Variants in UGT1A10 observed in about 807,000 individuals in gnomAD.
UGT1A10 encodes UDP glucuronosyltransferase family 1 member A10.
UGT1A10 carries 49 observed loss-of-function variants against 45.8 expected under a neutral mutation model. The ratio of observed to expected loss-of-function variants is 1.07; its 90% CI spans 0.85 to 1.36. The LOEUF is 1.36. UGT1A10 is among the 40% of genes most tolerant of loss of function. UGT1A10 has a pLI of 0.00. For synonymous variants in UGT1A10, 284 were observed against 249.7 expected, an observed-to-expected ratio of 1.14 and a Z score of -1.29; for missense variants, 745 against 668.6, an observed-to-expected ratio of 1.11 and a Z score of -1.26.
chr2:233,721,906 A>G (rs994798913), intron 1 of UGT1A10: 14 of 450,550 alleles, frequency 3.1e-5, no homozygotes, highest in African/African-American at 2.6e-4. Context: ...GAAATGGTGC[A>G]CACTGCTTCC....
intron 1 of UGT1A10, among the ~76,000 whole-genome samples, chr2:233,720,226 G>C (rs989732732): frequency 6.6e-6 from 1 of 152,194 alleles, no homozygotes; most frequent in Non-Finnish European, 1.5e-5. Flanking sequence ...CATGTGATCA[G>C]AGAATGAAAC....
At chr2:233,655,784 T>A (rs1275053802) in intron 1 of UGT1A10, among the ~76,000 whole-genome samples, 1 of 152,148 alleles carries the variant, frequency 6.6e-6, no homozygotes, top group East Asian at 1.9e-4. Context: ...CAATGCTAAG[T>A]GGGGTTGGCT....
chr2:233,648,082 C>G, intron 1 of UGT1A10: 11 of 1,519,816 alleles, frequency 7.2e-6, no homozygotes, highest in Non-Finnish European at 9.7e-6. Context: ...CTTATACACC[C>G]TGGAGGATCT....
At chr2:233,694,590 T>G (rs2075228604) in intron 1 of UGT1A10, among the ~76,000 whole-genome samples, 1 of 152,230 alleles carries the variant, frequency 6.6e-6, no homozygotes, top group Non-Finnish European at 1.5e-5. Flanking sequence ...ATTTACAACT[T>G]TGAAGGGCTT....
intron 1 of UGT1A10, chr2:233,719,611 A>G: frequency 6.2e-7 from 1 of 1,613,980 alleles, no homozygotes; most frequent in Non-Finnish European, 8.5e-7. Flanking sequence ...TTTGTGATGG[A>G]CTACCCCAGG....
At chr2:233,752,348 A>G (rs1694949264) in intron 1 of UGT1A10, 1 of 152,154 alleles carries the variant, frequency 6.6e-6, no homozygotes, top group South Asian at 2.1e-4. Context: ...CATGGAGGAA[A>G]TTCATTTTAG....
At position 233,760,866 on chromosome 2, in the gene UGT1A10, G is replaced by A. The variant is rs1437871677; in HGVS notation, c.856-6168G>A. On this transcript the variant is annotated intron_variant, in intron 1 of 4. Transcript: ENST00000344644. ...AGTGCCCCAACCCATTCTCCTACGT[G>A]CCCAGGCCTCTCTCCTCTCATTCAG... is the stretch of plus-strand genomic sequence containing the variant. 3.7e-6 allele frequency: 6 copies of A among 1,613,948 alleles called. No homozygotes were observed. In the African/African-American group the frequency reaches 8.0e-5, roughly 22 times the overall value.
At chr2:233,637,800 A>T (rs2073341014) in intron 1 of UGT1A10, among the ~76,000 whole-genome samples, 1 of 152,210 alleles carries the variant, frequency 6.6e-6, no homozygotes, top group Non-Finnish European at 1.5e-5. Flanking sequence ...TAGTAAAAAT[A>T]AAATCTAGTA....
chr2:233,652,938 T>C (rs1157709820), intron 1 of UGT1A10, among the ~76,000 whole-genome samples: 2 of 152,214 alleles, frequency 1.3e-5, no homozygotes, highest in Non-Finnish European at 2.9e-5. Context: ...TTGTTGTGTA[T>C]GAGAAACAAC....
chr2:233,659,741 A>G (rs2125486655), intron 1 of UGT1A10, among the ~76,000 whole-genome samples: 1 of 152,352 alleles, frequency 6.6e-6, no homozygotes, highest in Admixed American at 6.5e-5. Flanking sequence ...TTGATATAGT[A>G]TGAATTCTTC....
intron 1 of UGT1A10, chr2:233,747,755 C>T: frequency 6.2e-7 from 1 of 1,613,468 alleles, no homozygotes; most frequent in Non-Finnish European, 8.5e-7. Context: ...GTGATTTAGA[C>T]TTTAAGGGCA....
chr2:233,755,024 G>A (rs533329516), intron 1 of UGT1A10: 16 of 1,306,402 alleles, frequency 1.2e-5, no homozygotes, highest in Non-Finnish European at 1.7e-5. Flanking sequence ...GGTCCTTGAA[G>A]GGCCTGCCGC....
intron 1 of UGT1A10, among the ~76,000 whole-genome samples, chr2:233,726,716 T>C (rs546308876): frequency 1.3e-5 from 2 of 152,344 alleles, no homozygotes; most frequent in East Asian, 3.9e-4. Flanking sequence ...TTTGAGGAAG[T>C]ACAATGTAGA....
intron 1 of UGT1A10, among the ~76,000 whole-genome samples, chr2:233,763,811 C>G (rs980088030): frequency 3.3e-5 from 5 of 152,180 alleles, no homozygotes; most frequent in African/African-American, 1.2e-4. Context: ...CTCAAGAATT[C>G]CAAGATGTTC....
At chr2:233,725,989 G>C (rs2077488479) in intron 1 of UGT1A10, among the ~76,000 whole-genome samples, 1 of 152,034 alleles carries the variant, frequency 6.6e-6, no homozygotes, top group African/African-American at 2.4e-5. Context: ...AACGTGCTGA[G>C]ACTGCATCTC....
intron 1 of UGT1A10, among the ~76,000 whole-genome samples, chr2:233,731,109 T>G (rs1417583719): frequency 6.6e-6 from 1 of 152,194 alleles, no homozygotes; most frequent in Non-Finnish European, 1.5e-5. Flanking sequence ...TTTTTATAAA[T>G]GTAGGTATTA....
chr2:233,756,931 T>G (rs1696359277), intron 1 of UGT1A10, among the ~76,000 whole-genome samples: 1 of 152,070 alleles, frequency 6.6e-6, no homozygotes, highest in Non-Finnish European at 1.5e-5. Context: ...AACCTCTAGT[T>G]ACATAACCTG....
chr2:233,702,722 A>G (rs2075703020), intron 1 of UGT1A10, among the ~76,000 whole-genome samples: 1 of 152,198 alleles, frequency 6.6e-6, no homozygotes, highest in Non-Finnish European at 1.5e-5. Flanking sequence ...ATTGAAATGA[A>G]CATGGTTTTC....
intron 1 of UGT1A10, among the ~76,000 whole-genome samples, chr2:233,741,187 CT>C (rs1691585629): frequency 6.6e-6 from 1 of 151,902 alleles, no homozygotes; most frequent in Non-Finnish European, 1.5e-5. Context: ...CTTGTGTTTG[CT>C]TTCAACTGTT....
Sources: allele counts gnomAD v4.1 joint callset (sites outside exome capture counted in the v4.1 genomes callset), GRCh38; gene constraint gnomAD v4.1.1; transcripts MANE v1.5; gene names NCBI Gene and HGNC (gene_info 2026-07-23, HGNC 2026-07-21).